Variants in SLC14A2 observed in about 807,000 individuals in gnomAD.
SLC14A2 encodes the protein solute carrier family 14 member 2.
A neutral mutation model predicts 104.6 loss-of-function variants in SLC14A2; 91 were observed. The observed-to-expected ratio is 0.87, with a 90% confidence interval of 0.73 to 1.04. SLC14A2 has a LOEUF of 1.04. Among genes scored for constraint, SLC14A2 ranks in the 50% least tolerant of loss-of-function variants. SLC14A2 has a pLI of 0.00. For missense variants in SLC14A2, 1,189 were observed against 1,156.0 expected (o/e 1.03, Z -0.41); for synonymous variants, 476 against 466.4 (o/e 1.02, Z -0.27).
At chr18:45,467,176 AT>A (rs1487912604) in intron 1 of SLC14A2, among the ~76,000 whole-genome samples, 1 of 151,990 alleles carries the variant, frequency 6.6e-6, no homozygotes, top group Non-Finnish European at 1.5e-5. Context: ...ATTAGACAGG[AT>A]TTTCTTGATT....
chr18:45,266,609 C>T lies in SLC14A2; in HGVS notation c.-125+53418C>T, dbSNP rs575290039. 3.9e-5 allele frequency among the ~76,000 whole-genome samples: 6 copies of T among 152,210 alleles called. No individual in the cohort carries two copies. The East Asian group carries it at 7.7e-4, about 20-fold the overall frequency. ...CAAGTTGTTGATACTTTCTTTATAG[C>T]CTTTTATGGCCATAATGCTGTGAAA... On this transcript the variant is annotated intron_variant, in intron 1 of 20. Coordinates refer to the SLC14A2 transcript ENST00000586448.
intron 2 of SLC14A2, among the ~76,000 whole-genome samples, chr18:45,566,171 C>T (rs992147687): frequency 2.0e-5 from 3 of 152,030 alleles, no homozygotes; most frequent in Admixed American, 6.5e-5. Flanking sequence ...CCTCCCTGGG[C>T]TAGGCGTTCA....
chr18:45,304,691 G>A (rs1217423905), intron 1 of SLC14A2, among the ~76,000 whole-genome samples: 3 of 152,182 alleles, frequency 2.0e-5, no homozygotes, highest in Non-Finnish European at 4.4e-5. Context: ...CAAAAGACAA[G>A]ACAAGACTCT....
chr18:45,590,430 C>A (rs748774490), intron 2 of SLC14A2, among the ~76,000 whole-genome samples: 8 of 152,142 alleles, frequency 5.3e-5, no homozygotes. Flanking sequence ...TAATTCACAT[C>A]GTAAAACTAT....
intron 16 of SLC14A2, among the ~76,000 whole-genome samples, chr18:45,670,520 G>C (rs560667371): frequency 2.0e-5 from 3 of 152,286 alleles, no homozygotes; most frequent in East Asian, 1.9e-4. Context: ...ACTTGGGCTT[G>C]TTGAAGGAAC....
intron 1 of SLC14A2, among the ~76,000 whole-genome samples, chr18:45,258,029 G>A (rs1379937199): frequency 1.3e-5 from 2 of 152,124 alleles, no homozygotes; most frequent in African/African-American, 2.4e-5. Flanking sequence ...TGAGCACTTA[G>A]TATATGCCAA....
intron 2 of SLC14A2, among the ~76,000 whole-genome samples, chr18:45,610,261 G>T (rs979278234): frequency 9.2e-5 from 14 of 152,158 alleles, no homozygotes; most frequent in African/African-American, 3.4e-4. Context: ...GCTCCCAGGT[G>T]AAGCTGATGC....
At chr18:45,574,182 G>T (rs12957478) in intron 2 of SLC14A2, among the ~76,000 whole-genome samples, 1 of 152,182 alleles carries the variant, frequency 6.6e-6, no homozygotes, top group Admixed American at 6.5e-5. Context: ...GCCTGCACGT[G>T]CATGTGTGTA....
At chr18:45,233,499 T>A (rs973416389) in intron 1 of SLC14A2, among the ~76,000 whole-genome samples, 4 of 152,002 alleles carry the variant, frequency 2.6e-5, no homozygotes, top group African/African-American at 9.7e-5. Context: ...AACAAAAAAG[T>A]CCCCTATTTC....
intron 18 of SLC14A2, among the ~76,000 whole-genome samples, chr18:45,676,978 ACAGT>A (rs1372699800): frequency 6.6e-6 from 1 of 152,158 alleles, no homozygotes; most frequent in Non-Finnish European, 1.5e-5. Flanking sequence ...CCAACATCAT[ACAGT>A]CAGTGATGGA....
intron 2 of SLC14A2, among the ~76,000 whole-genome samples, chr18:45,579,287 AT>A (rs2044457136): frequency 6.6e-6 from 1 of 152,188 alleles, no homozygotes; most frequent in African/African-American, 2.4e-5. Context: ...AATTGAGACC[AT>A]TTTTGCAGTC....
intron 11 of SLC14A2, among the ~76,000 whole-genome samples, chr18:45,665,690 T>TTC: frequency 2.1e-5 from 1 of 47,348 alleles, no homozygotes; most frequent in African/African-American, 5.3e-5. Flanking sequence ...CCAAGTTTCT[T>TTC]TTTTTTTTTT....
chr18:45,401,701 T>A (rs2086098012), intron 1 of SLC14A2, among the ~76,000 whole-genome samples: 1 of 152,140 alleles, frequency 6.6e-6, no homozygotes, highest in Admixed American at 6.6e-5. Context: ...GGGCAAAAAA[T>A]TTAGTAGGGA....
chr18:45,410,155 G>A (rs929574375), intron 1 of SLC14A2, among the ~76,000 whole-genome samples: 4 of 152,220 alleles, frequency 2.6e-5, no homozygotes, highest in Non-Finnish European at 4.4e-5. Context: ...GACAGGAGGC[G>A]GAGCTCAGGT....
chr18:45,529,378 G>A (rs2043647160), intron 2 of SLC14A2: 1 of 152,134 alleles, frequency 6.6e-6, no homozygotes, highest in African/African-American at 2.4e-5. Context: ...AAATCATGTG[G>A]ACTGGAGGGA....
chr18:45,517,694 G>A lies in SLC14A2; in HGVS notation c.-35+34372G>A, dbSNP rs777843030. 1.4e-4 allele frequency among the ~76,000 whole-genome samples: 21 copies of A among 152,146 alleles called. No homozygotes were observed. In the East Asian group the frequency reaches 1.7e-3, roughly 13 times the overall value. On this transcript the variant is annotated intron_variant, in intron 2 of 20. Transcript: ENST00000586448. Reference sequence around the variant, plus strand: ...CTGGAAGTTGTAAATCTTGGAACTCGAGGAACTCCCTACCCTGACCCTCCC... The same window carrying A: ...CTGGAAGTTGTAAATCTTGGAACTCAAGGAACTCCCTACCCTGACCCTCCC...
intron 2 of SLC14A2, chr18:45,529,736 T>G: frequency 6.6e-6 from 1 of 152,164 alleles, no homozygotes. Context: ...GGTCACATGG[T>G]CACTTCACAT....
At chr18:45,339,036 A>G (rs140342010) in intron 1 of SLC14A2, among the ~76,000 whole-genome samples, 199 of 152,110 alleles carry the variant, frequency 1.3e-3, no homozygotes, top group African/African-American at 4.5e-3. Context: ...TCCGGGGTTC[A>G]AGCAATTCTC....
intron 2 of SLC14A2, among the ~76,000 whole-genome samples, chr18:45,548,149 A>AG (rs2044002155): frequency 6.6e-6 from 1 of 152,202 alleles, no homozygotes; most frequent in Admixed American, 6.5e-5. Flanking sequence ...AAGTGAATGT[A>AG]GGGACTGTTG....
Sources: allele counts gnomAD v4.1 joint callset (sites outside exome capture counted in the v4.1 genomes callset), GRCh38; gene constraint gnomAD v4.1.1; transcripts MANE v1.5; gene names NCBI Gene and HGNC (gene_info 2026-07-23, HGNC 2026-07-21).